The following APC variants were observed in gnomAD, a reference collection of about 807,000 sequenced individuals.
APC encodes the protein APC regulator of Wnt signaling pathway.
In APC, 72 loss-of-function variants were observed where a neutral mutation model predicts 247.0. That is an observed-to-expected ratio of 0.29 (90% CI 0.24 to 0.35). The LOEUF (loss-of-function observed/expected upper bound fraction) is 0.35, where lower values mean the gene tolerates loss of function less well. Ranked by LOEUF, APC falls within the 10% of genes least tolerant of loss-of-function variation. The pLI is 1.00. For synonymous variants in APC, 1,254 were observed against 1,162.5 expected (o/e 1.08, Z -1.60); for missense variants, 3,400 against 3,360.7 (o/e 1.01, Z -0.29).
At chr5:112,755,864 C>G (rs556310884) in intron 2 of APC, among the ~76,000 whole-genome samples, 45 of 151,688 alleles carry the variant, frequency 3.0e-4, no homozygotes, top group Admixed American at 6.6e-4. Flanking sequence ...AATCCCAGCT[C>G]TTAGTGAGGC....
At chr5:112,761,305 G>A (rs561148422) in intron 2 of APC, among the ~76,000 whole-genome samples, 3 of 152,192 alleles carry the variant, frequency 2.0e-5, no homozygotes, top group African/African-American at 7.2e-5. Context: ...GGAACAAATA[G>A]GTAATAGGAG....
chr5:112,839,284 G>C lies in APC; in HGVS notation c.3690G>C (p.Gln1230His), dbSNP rs147268065. The change falls in exon 16 of 16, where the codon CAG (glutamine) becomes CAC (histidine). Residue 1230 changes from glutamine (Q) to histidine (H), a missense_variant. This residue lies in a region of APC where 715 missense variants were observed against 656.6 expected (regional missense o/e 1.09). Transcript: ENST00000257430. The surrounding 1 kb of genome is among the most constrained non-coding windows in gnomAD (Gnocchi z 5.0). ...TPSSNAKRQNQLHPSSAQSRS... is the reference protein window; with the variant it reads ...TPSSNAKRQNHLHPSSAQSRS... ...CATCTAATGCCAAGAGGCAGAATCA[G>C]CTCCATCCAAGTTCTGCACAGAGTA... is the stretch of plus-strand genomic sequence containing the variant. 1 of 1,614,144 alleles carries C rather than the reference G, an allele frequency of 6.2e-7. No individual in the cohort carries two copies. The highest frequency in any genetic ancestry group is 2.2e-5 in the East Asian group (1 of 44,886).
rs1029293511 is a variant in APC at position 112,845,579 on chromosome 5, T to C, written c.*1453T>C. The C allele has an allele frequency of 4.3e-6, 1 of 232,702 alleles. No homozygotes were observed. Among genetic ancestry groups the C allele is most frequent in the African/African-American group, 2.2e-5 (1 of 45,294 alleles). 14.4% of individuals were successfully genotyped at this position (232,702 alleles called of 1,614,324 possible). ...AATCACATGGAACTTTAGAGGTAGA[T>C]TTAATACGATTAAGATATTCAGAAG... is the stretch of plus-strand genomic sequence containing the variant. On this transcript the variant is annotated 3_prime_UTR_variant, in exon 16 of 16. Transcript: ENST00000257430.
rs1561393341 is a variant in APC at position 112,707,584 on chromosome 5, T to TGG, written c.-134_-133insGG. 208 of 967,364 alleles carry TGG rather than the reference T, an allele frequency of 2.2e-4. No individual in the cohort carries two copies. In the African/African-American group the frequency reaches 2.9e-3, roughly 13 times the overall value. 59.9% of individuals were successfully genotyped at this position (967,364 alleles called of 1,614,324 possible). A position where few individuals can be genotyped will look rare whatever the true frequency, so the allele number is the denominator to read the frequency against. On this transcript the variant is annotated 5_prime_UTR_variant, in exon 1 of 14. Transcript: ENST00000507379. ...TGGCCGCCGGAAGCCTAGCCGCTGC[T>TGG]CGGGGGGGACCTGCGGGCTCAGGCC...
intron 1 of APC, among the ~76,000 whole-genome samples, chr5:112,714,234 C>G (rs1384047186): frequency 2.0e-5 from 3 of 152,144 alleles, no homozygotes; most frequent in Non-Finnish European, 4.4e-5. Context: ...AGGTACTACT[C>G]ATAATTATTA....
rs77756384 is a variant in APC at position 112,772,451 on chromosome 5, T to C, written c.423-3178T>C. Among the ~76,000 whole-genome samples, 1 of 151,184 alleles carries C rather than the reference T, an allele frequency of 6.6e-6. No homozygotes were observed. Among genetic ancestry groups the C allele is most frequent in the African/African-American group, 2.4e-5 (1 of 41,100 alleles). On this transcript the variant is annotated intron_variant, in intron 4 of 15. Transcript: ENST00000257430. ...CAAATTGTCCCTAGTGTCCCTAACC[T>C]CCCCCTTACTTCAACACTGCCACTG...
At chr5:112,754,450 C>T (rs866458486) in intron 1 of APC, among the ~76,000 whole-genome samples, 4 of 152,128 alleles carry the variant, frequency 2.6e-5, no homozygotes, top group Non-Finnish European at 4.4e-5. Flanking sequence ...CATTCTGGCT[C>T]TAAAATTCTG....
chr5:112,792,250 AAAAAAG>A, intron 6 of APC, among the ~76,000 whole-genome samples, 190 bp from the exon 7 acceptor site: 1 of 152,256 alleles, frequency 6.6e-6, no homozygotes, highest in African/African-American at 2.4e-5. Flanking sequence ...TGTCTCGAAA[AAAAAAG>A]AAAAAAAGAA....
At chr5:112,744,511 T>C (rs1753419129) in intron 1 of APC, among the ~76,000 whole-genome samples, 1 of 152,138 alleles carries the variant, frequency 6.6e-6, no homozygotes, top group Non-Finnish European at 1.5e-5. Flanking sequence ...ATGGAATAAT[T>C]TGAGAAGTTA....
At chr5:112,737,786 C>A, upstream of APC, 2 of 946,514 alleles carry the variant, frequency 2.1e-6, no homozygotes, top group Non-Finnish European at 2.5e-6. Context: ...TGGATGCGGA[C>A]CAGGGCGCTC....
chr5:112,820,331 A>C (rs889384743), intron 10 of APC, among the ~76,000 whole-genome samples: 6 of 152,088 alleles, frequency 3.9e-5, no homozygotes, highest in African/African-American at 1.4e-4. Flanking sequence ...ATGAAGGTGA[A>C]TTTATTTGAA....
intron 9 of APC, among the ~76,000 whole-genome samples, chr5:112,815,938 T>G (rs377301264): frequency 6.6e-6 from 1 of 152,112 alleles, no homozygotes; most frequent in African/African-American, 2.4e-5. Context: ...CTTGAAGAAA[T>G]TACATATTTT....
chr5:112,731,484 C>G (rs2149672676), intron 1 of APC, among the ~76,000 whole-genome samples: 2 of 152,232 alleles, frequency 1.3e-5, no homozygotes, highest in South Asian at 4.1e-4. Flanking sequence ...TAGCCTCAGG[C>G]TTTTTAATAA....
At chr5:112,788,316 A>T (rs1345231902) in intron 6 of APC, among the ~76,000 whole-genome samples, 1 of 152,208 alleles carries the variant, frequency 6.6e-6, no homozygotes. Context: ...TAAAAGCTTC[A>T]TGGGCTTTTG....
chr5:112,810,885 A>C (rs1317565137), intron 8 of APC, among the ~76,000 whole-genome samples: 1 of 152,056 alleles, frequency 6.6e-6, no homozygotes, highest in East Asian at 1.9e-4. Context: ...CTTAGCCAGG[A>C]GTGGTGGCAC....
rs2149779805 is a variant in APC at position 112,819,045 on chromosome 5, C to T, written c.1013C>T (p.Ser338Phe). 6.2e-7 allele frequency: 1 copy of T among 1,614,092 alleles called. No homozygotes were observed. ...DDMSRTLLAM[S>F]SSQDSCISMR... ...ATGTCGCGAACTTTGCTAGCTATGT[C>T]TAGCTCCCAAGACAGCTGTATATCC... The change falls in exon 10 of 16, where the codon TCT becomes TTT. Residue 338 changes from serine (S) to phenylalanine (F), a missense_variant. Transcript: ENST00000257430.
At position 112,839,774 on chromosome 5, in the gene APC, G is replaced by A. The variant is rs2149908410; in HGVS notation, c.4180G>A (p.Asp1394Asn). The change falls in exon 16 of 16, where the codon GAT becomes AAT. Residue 1394 changes from aspartate (D) to asparagine (N), a missense_variant. Physicochemically the swap from Asp to Asn is conservative, Grantham distance 23. This residue lies in a region of APC where 40 missense variants were observed against 75.6 expected (regional missense o/e 0.53). Coordinates refer to ENST00000257430, the MANE Select transcript of APC (RefSeq NM_000038.6). This position sits in a 1 kb window ranked among gnomAD's most constrained non-coding sequence, Gnocchi z 5.0. Reference sequence around the variant, plus strand: ...CAGATGTACTTCTGTCAGTTCACTTGATAGTTTTGAGAGTCGTTCGATTGC... The same window carrying A: ...CAGATGTACTTCTGTCAGTTCACTTAATAGTTTTGAGAGTCGTTCGATTGC... ...FSRCTSVSSL[D>N]SFESRSIASS... is the part of the protein sequence containing the mutation. 6.2e-7 allele frequency: 1 copy of A among 1,614,096 alleles called. No homozygotes were observed. The highest frequency in any genetic ancestry group is 1.3e-5 in the African/African-American group (1 of 75,016).
intron 15 of APC, among the ~76,000 whole-genome samples, chr5:112,837,049 T>C (rs1161443264): frequency 6.6e-6 from 1 of 152,194 alleles, no homozygotes; most frequent in Non-Finnish European, 1.5e-5. Context: ...AAGCCAGAGA[T>C]ACAGAGATTA....
At chr5:112,754,410 T>G (rs1396594197) in intron 1 of APC, among the ~76,000 whole-genome samples, 1 of 152,214 alleles carries the variant, frequency 6.6e-6, no homozygotes, top group African/African-American at 2.4e-5. Flanking sequence ...AAATAAAAAG[T>G]GTGAAATGGA....
Sources: gnomAD v4.1 joint callset for allele counts (sites outside exome capture counted in the v4.1 genomes callset) on GRCh38, gnomAD v4.1.1 for gene constraint, gnomAD v4.1.1 regional missense constraint, Gnocchi (gnomAD v3.1) non-coding constraint, MANE v1.5 for transcripts, NCBI Gene and HGNC (gene_info 2026-07-23, HGNC 2026-07-21) for gene names.